The following CDK15 variants were observed in gnomAD, a reference collection of about 807,000 sequenced individuals.
The protein encoded by CDK15 is cyclin dependent kinase 15.
CDK15 carries 62 observed loss-of-function variants against 60.3 expected under a neutral mutation model. That is an observed-to-expected ratio of 1.03 (90% CI 0.84 to 1.27). The LOEUF is 1.27. Among genes scored for constraint, CDK15 ranks in the 50% most tolerant of loss-of-function variants. CDK15 has a pLI of 0.00. For missense variants in CDK15, 541 were observed against 527.8 expected (o/e 1.03, Z -0.25); for synonymous variants, 194 against 195.7 (o/e 0.99, Z 0.07).
At chr2:201,842,991 A>G (rs569559858) in intron 8 of CDK15, among the ~76,000 whole-genome samples, 3 of 152,174 alleles carry the variant, frequency 2.0e-5, no homozygotes, top group South Asian at 4.1e-4. Flanking sequence ...TAAGGACAAA[A>G]CAGAAAAATA....
At chr2:201,859,420 TC>T (rs1221767368) in intron 10 of CDK15, among the ~76,000 whole-genome samples, 1 of 152,204 alleles carries the variant, frequency 6.6e-6, no homozygotes, top group Non-Finnish European at 1.5e-5. Flanking sequence ...CAGGAGCCAC[TC>T]CGCTTTGAAG....
chr2:201,873,426 A>G (rs1698936501), intron 11 of CDK15, among the ~76,000 whole-genome samples: 1 of 152,190 alleles, frequency 6.6e-6, no homozygotes, highest in Non-Finnish European at 1.5e-5. Context: ...ACCTAGAGAT[A>G]TGTGGATTTT....
At chr2:201,830,850 T>G (rs1372269454) in intron 6 of CDK15, among the ~76,000 whole-genome samples, 1 of 152,192 alleles carries the variant, frequency 6.6e-6, no homozygotes, top group Non-Finnish European at 1.5e-5. Context: ...CTTATGACAC[T>G]TGTCAGTGGT....
At chr2:201,837,542 C>G (rs1292460840) in intron 8 of CDK15, among the ~76,000 whole-genome samples, 1 of 151,504 alleles carries the variant, frequency 6.6e-6, no homozygotes, top group Non-Finnish European at 1.5e-5. Context: ...TAGGTGCTAT[C>G]AAGTAAAGCC....
chr2:201,809,984 G>T (rs1332988105), intron 3 of CDK15, among the ~76,000 whole-genome samples: 3 of 151,990 alleles, frequency 2.0e-5, no homozygotes, highest in African/African-American at 7.3e-5. Flanking sequence ...GAACTTTGGA[G>T]GCAGAGGTTG....
intron 8 of CDK15, among the ~76,000 whole-genome samples, chr2:201,845,268 T>G (rs1342793083): frequency 1.3e-5 from 2 of 152,162 alleles, no homozygotes; most frequent in Non-Finnish European, 2.9e-5. Flanking sequence ...AACAAGCCAG[T>G]CAGTTAAGCT....
At chr2:201,851,551 A>T (rs1697909880) in intron 9 of CDK15, among the ~76,000 whole-genome samples, 1 of 152,152 alleles carries the variant, frequency 6.6e-6, no homozygotes, top group Non-Finnish European at 1.5e-5. Context: ...TGTCCTAATC[A>T]CACGCTAAAG....
chr2:201,888,714 G>A, intron 12 of CDK15: 1 of 1,265,262 alleles, frequency 7.9e-7, no homozygotes, highest in Middle Eastern at 3.1e-4. Flanking sequence ...GCCAGATAGT[G>A]TCTCTCTCTC....
chr2:201,878,319 A>G (rs1699156280), intron 11 of CDK15, among the ~76,000 whole-genome samples: 1 of 151,324 alleles, frequency 6.6e-6, no homozygotes, highest in Non-Finnish European at 1.5e-5. Context: ...CTCTCTCCCC[A>G]TTTTTGTCCT....
intron 11 of CDK15, among the ~76,000 whole-genome samples, chr2:201,878,171 A>G (rs1169143655): frequency 6.6e-6 from 1 of 152,152 alleles, no homozygotes; most frequent in Non-Finnish European, 1.5e-5. Flanking sequence ...GTGCCTTTCC[A>G]GTTATAAACC....
rs1699736462 is a variant in CDK15, at chr2:201,894,946, C to T, written c.*1679C>T. 6.6e-6 allele frequency: 1 copy of T among 152,196 alleles called. No homozygotes were observed. The highest frequency in any genetic ancestry group is 1.5e-5 in the Non-Finnish European group (1 of 68,044). 9.4% of individuals were successfully genotyped at this position (152,196 alleles called of 1,614,324 possible). On this transcript the variant is annotated 3_prime_UTR_variant, in exon 14 of 14. Coordinates refer to ENST00000652192, the MANE Select transcript of CDK15 (RefSeq NM_001366386.2). Reference sequence around the variant, plus strand: ...ACTTTGGGCTACAACTTAAAAAAGGCTATGACTTAGTGGAAATTGGCACTT... The same window carrying T: ...ACTTTGGGCTACAACTTAAAAAAGGTTATGACTTAGTGGAAATTGGCACTT...
At chr2:201,861,739 T>G (rs1194074929) in intron 10 of CDK15, among the ~76,000 whole-genome samples, 1 of 152,048 alleles carries the variant, frequency 6.6e-6, no homozygotes, top group Non-Finnish European at 1.5e-5. Flanking sequence ...TTTTGTATTT[T>G]TAGTAGAGAC....
chr2:201,832,626 A>T (rs2882323), intron 6 of CDK15, among the ~76,000 whole-genome samples: 142,649 of 152,244 alleles, frequency 0.94, 67,069 homozygotes, highest in East Asian at 1. Flanking sequence ...TTTTTAAAAT[A>T]CTTAAATGGT....
intron 3 of CDK15, 70 bp downstream of exon 3, chr2:201,808,022 C>G (rs1042852430): frequency 8.4e-6 from 11 of 1,315,940 alleles, no homozygotes; most frequent in African/African-American, 1.5e-5. Flanking sequence ...TATTATAAAG[C>G]CAGGTGAGAC....
At chr2:201,880,797 T>C (rs907925826) in intron 12 of CDK15, among the ~76,000 whole-genome samples, 2 of 152,176 alleles carry the variant, frequency 1.3e-5, no homozygotes, top group Non-Finnish European at 2.9e-5. Context: ...CCGTCATGTT[T>C]CTTGGACTGT....
chr2:201,844,450 T>C (rs1697549820), intron 8 of CDK15, among the ~76,000 whole-genome samples: 1 of 152,160 alleles, frequency 6.6e-6, no homozygotes, highest in Non-Finnish European at 1.5e-5. Context: ...TCATATATTG[T>C]TTCATTTACA....
At chr2:201,863,699 C>G (rs535939147) in intron 10 of CDK15, among the ~76,000 whole-genome samples, 1 of 152,290 alleles carries the variant, frequency 6.6e-6, no homozygotes, top group South Asian at 2.1e-4. Context: ...AGTTCGAGAT[C>G]AGCCTGGCCA....
At chr2:201,836,522 C>G (rs1697097244) in intron 8 of CDK15, among the ~76,000 whole-genome samples, 1 of 151,760 alleles carries the variant, frequency 6.6e-6, no homozygotes, top group Admixed American at 6.6e-5. Flanking sequence ...AGCTCCCAGG[C>G]TGAAGCAGTT....
chr2:201,829,739 G>A (rs959736683), intron 6 of CDK15, among the ~76,000 whole-genome samples: 2 of 151,750 alleles, frequency 1.3e-5, no homozygotes, highest in African/African-American at 2.4e-5. Context: ...GATCAAAGAC[G>A]GAACCCTAAG....
Sources: gnomAD v4.1 joint callset for allele counts (sites outside exome capture counted in the v4.1 genomes callset) on GRCh38, gnomAD v4.1.1 for gene constraint, MANE v1.5 for transcripts, NCBI Gene and HGNC (gene_info 2026-07-23, HGNC 2026-07-21) for gene names.